TNRC6A: variants seen among roughly 807,000 people sequenced by gnomAD.
The protein encoded by TNRC6A is trinucleotide repeat-containing gene 6A protein.
In TNRC6A, 44 loss-of-function variants were observed where a neutral mutation model predicts 221.2. The observed-to-expected ratio is 0.20, with a 90% CI of 0.16 to 0.26. The LOEUF is 0.26. Among genes scored for constraint, TNRC6A ranks in the 10% least tolerant of loss-of-function variants. TNRC6A has a pLI of 1.00. For missense variants in TNRC6A, 2,199 were observed against 2,404.4 expected (o/e 0.91, Z 1.79); for synonymous variants, 847 against 838.5 (o/e 1.01, Z -0.18).
At chr16:24,644,044 C>T (rs943362736) in intron 2 of TNRC6A, among the ~76,000 whole-genome samples, 1 of 149,682 alleles carries the variant, frequency 6.7e-6, no homozygotes, top group Non-Finnish European at 1.5e-5. Flanking sequence ...AATTCTAGAT[C>T]ATCGCTGGGT....
intron 1 of TNRC6A, among the ~76,000 whole-genome samples, chr16:24,624,667 G>C (rs72768605): frequency 0.011 from 1,603 of 151,998 alleles, 11 homozygotes; most frequent in Non-Finnish European, 0.014. Context: ...ATTTTTTCTA[G>C]AGGTGGGAGC....
At chr16:24,732,717 T>C (rs540584458) in intron 2 of TNRC6A, among the ~76,000 whole-genome samples, 1 of 152,290 alleles carries the variant, frequency 6.6e-6, no homozygotes, top group South Asian at 2.1e-4. Context: ...TAATTTATTA[T>C]TTTGAGGGTT....
At chr16:24,673,455 G>A (rs1309423090) in intron 2 of TNRC6A, among the ~76,000 whole-genome samples, 1 of 152,206 alleles carries the variant, frequency 6.6e-6, no homozygotes, top group East Asian at 1.9e-4. Context: ...TTTGCAAGGG[G>A]CCATGTCCCA....
At chr16:24,817,067 C>A in intron 20 of TNRC6A, 111 bp downstream of exon 20, 3 of 1,151,784 alleles carry the variant, frequency 2.6e-6, no homozygotes, top group Non-Finnish European at 2.3e-6. Context: ...TCTGGGATCA[C>A]TTGAGCCCAG....
Position 24,816,673 on chromosome 16 carries a change from T to G in TNRC6A, c.4832-143T>G, listed in dbSNP as rs556088286. ...CTTCTATAATACTAATTGTATTAAC[T>G]GAACCATCCTCTTAGAGTATTAGTG... On this transcript the variant is annotated intron_variant, in intron 19 of 24. Coordinates refer to ENST00000395799, the MANE Select transcript of TNRC6A (RefSeq NM_014494.4). 11 of 986,766 alleles carry G rather than the reference T, an allele frequency of 1.1e-5. No individual in the cohort carries two copies. The South Asian group carries it at 1.8e-4, about 16-fold the overall frequency. The allele number at this position is 986,766 out of a possible 1,614,324, so 61.1% of individuals were successfully genotyped here. A position where few individuals can be genotyped will look rare whatever the true frequency, so the allele number is the denominator to read the frequency against.
rs780253872 is a variant in TNRC6A at position 24,791,202 on chromosome 16, A to G, written c.2560A>G (p.Ser854Gly). The G allele has an allele frequency of 1.2e-6, 2 of 1,614,064 alleles. No individual in the cohort carries two copies. The highest frequency in any genetic ancestry group is 1.7e-6 in the Non-Finnish European group (2 of 1,180,026). ...AAGCCAAGGGTGGTCTGTTTCTGCC[A>G]GTGATAACTGGGGAGAAACTTCAAG... ...KSSQGWSVSA[S>G]DNWGETSRNN... The change falls in exon 6 of 25, where the codon AGT (serine) becomes GGT (glycine). Residue 854 changes from serine (S) to glycine (G), a missense_variant. By Grantham distance (56) the Ser-to-Gly change is moderately conservative. Transcript: ENST00000395799.
chr16:24,780,681 T>C (rs552212585), intron 5 of TNRC6A, among the ~76,000 whole-genome samples: 1 of 152,296 alleles, frequency 6.6e-6, no homozygotes, highest in East Asian at 1.9e-4. Context: ...TCTGCCATAT[T>C]AGTAACGCAT....
rs149894068 is a variant in TNRC6A, at chr16:24,744,112, A to T, written c.54-6614A>T. 6.9e-3 allele frequency among the ~76,000 whole-genome samples: 1,046 copies of T among 152,260 alleles called. 8 individuals are homozygous for T. Among genetic ancestry groups the T allele is most frequent in the Admixed American group, 0.011 (174 of 15,300 alleles). The stretch of plus-strand genomic sequence containing the variant: ...CTAGTTACTTTGTAGAATGTCCCTC[A>T]GTCTGTATTTGTCCGTTATTTCCTT... On this transcript the variant is annotated intron_variant, in intron 2 of 24. Transcript: ENST00000395799.
chr16:24,719,357 C>G lies in TNRC6A; in HGVS notation n.403-31369C>G, dbSNP rs949930467. 2.4e-4 allele frequency among the ~76,000 whole-genome samples: 37 copies of G among 152,028 alleles called. 2 individuals carry two copies. Among genetic ancestry groups the G allele is most frequent in the Non-Finnish European group, 7.4e-5 (5 of 68,014 alleles). On this transcript the variant is annotated intron_variant and non_coding_transcript_variant, in intron 2 of 2. Transcript: ENST00000566108. ...TGGGCAACGTAGGGAGATCCTATCT[C>G]TACAAAAAATTTTAAAAATCAGTTG...
Position 24,714,526 on chromosome 16 carries a change from C to T in TNRC6A, n.403-36200C>T, listed in dbSNP as rs555119940. ...TTCACTGTGTTAGCCAGGATGGTCT[C>T]GATCTCCTGACCTGGTGATCTACCT... On this transcript the variant is annotated intron_variant and non_coding_transcript_variant, in intron 2 of 2. Coordinates refer to the TNRC6A transcript ENST00000566108. 2.1e-3 allele frequency among the ~76,000 whole-genome samples: 321 copies of T among 151,758 alleles called. 3 individuals are homozygous for T. The highest frequency in any genetic ancestry group is 6.8e-3 in the Middle Eastern group (2 of 294).
chr16:24,774,969 GTTTGT>G (rs1287303425), intron 4 of TNRC6A, among the ~76,000 whole-genome samples: 2 of 151,970 alleles, frequency 1.3e-5, no homozygotes. Flanking sequence ...TTTATTTTTG[GTTTGT>G]TTGTTTGCTT....
Position 24,776,920 on chromosome 16 carries a change from T to C in TNRC6A, c.164-13T>C. 6.2e-6 allele frequency: 10 copies of C among 1,600,200 alleles called. No individual in the cohort carries two copies. Among genetic ancestry groups the C allele is most frequent in the Non-Finnish European group, 8.6e-6 (10 of 1,169,044 alleles). On this transcript the variant is annotated splice_polypyrimidine_tract_variant and intron_variant, in intron 4 of 24. Transcript: ENST00000395799. The stretch of plus-strand genomic sequence containing the variant: ...GCTAATCTTTTCCACCCCTTTTCTT[T>C]TGTTGGGATTAGTGCCAGAACAGAT...
At chr16:24,804,896 A>G (rs761095786) in intron 13 of TNRC6A, 45 bp downstream of exon 13, 2 of 1,613,436 alleles carry the variant, frequency 1.2e-6, no homozygotes, top group Non-Finnish European at 8.5e-7. Context: ...AATGATTTGT[A>G]TTAGTAATAA....
chr16:24,764,664 C>T (rs2057434109), intron 4 of TNRC6A, among the ~76,000 whole-genome samples: 1 of 151,940 alleles, frequency 6.6e-6, no homozygotes, highest in African/African-American at 2.4e-5. Context: ...TGTTTGTTTC[C>T]ATATCTTGGC....
chr16:24,652,221 A>G (rs1184386351), intron 2 of TNRC6A, among the ~76,000 whole-genome samples: 1 of 152,214 alleles, frequency 6.6e-6, no homozygotes, highest in Non-Finnish European at 1.5e-5. Context: ...AAAGAACTTA[A>G]GAAAGGAAAC....
intron 21 of TNRC6A, among the ~76,000 whole-genome samples, chr16:24,819,329 A>T (rs1160713645): frequency 6.6e-6 from 1 of 152,126 alleles, no homozygotes; most frequent in East Asian, 1.9e-4. Context: ...TTAGCATGAT[A>T]GTTGATGTGG....
rs71156440 is a variant in TNRC6A at position 24,812,019 on chromosome 16, A to ATTTTTTTTTTTTT, written c.4672+2573_4672+2585dup. Reference sequence around the variant, plus strand: ...CCGTTCAGGGGAATGTCACTTTGGGATTTTTTTTTTTTTTTTTTTTTTTTT... The same window carrying ATTTTTTTTTTTTT: ...CCGTTCAGGGGAATGTCACTTTGGGATTTTTTTTTTTTTTTTTTTTTTTTTTTTTTTTTTTTTT... On this transcript the variant is annotated intron_variant, in intron 18 of 24. Coordinates refer to ENST00000395799, the MANE Select transcript of TNRC6A (RefSeq NM_014494.4). Among the ~76,000 whole-genome samples the ATTTTTTTTTTTTT allele has an allele frequency of 6.1e-4, 25 of 40,854 alleles. 7 individuals are homozygous for ATTTTTTTTTTTTT. The highest frequency in any genetic ancestry group is 2.5e-3 in the East Asian group (2 of 804). The allele number at this position is 40,854 out of a possible 152,430, so 26.8% of individuals were successfully genotyped here.
At chr16:24,684,967 T>G (rs1303402426) in intron 2 of TNRC6A, among the ~76,000 whole-genome samples, 10 of 152,194 alleles carry the variant, frequency 6.6e-5, no homozygotes, top group Admixed American at 6.6e-4. Context: ...AAAGCTACCC[T>G]GGTCCCTACG....
At chr16:24,728,445 TA>T (rs926556233), upstream of TNRC6A, among the ~76,000 whole-genome samples, 18 of 147,602 alleles carry the variant, frequency 1.2e-4, no homozygotes, top group Non-Finnish European at 2.7e-4. Flanking sequence ...AGACTCCGCC[TA>T]AAAAAAATGA....
Sources: gnomAD v4.1 joint callset for allele counts (sites outside exome capture counted in the v4.1 genomes callset) on GRCh38, gnomAD v4.1.1 for gene constraint, MANE v1.5 for transcripts, NCBI Gene and HGNC (gene_info 2026-07-23, HGNC 2026-07-21) for gene names.